The following CD96 variants were observed in gnomAD, a reference collection of about 807,000 sequenced individuals.
CD96 encodes the protein CD96 molecule, also known as T-cell surface protein tactile.
A neutral mutation model predicts 71.3 loss-of-function variants in CD96; 70 were observed. That is an observed-to-expected ratio of 0.98 (90% CI 0.81 to 1.20). The LOEUF (loss-of-function observed/expected upper bound fraction) is 1.20. Ranked by LOEUF, CD96 falls within the 50% of genes most tolerant of loss-of-function variation. The pLI is 0.00. For missense variants in CD96, 742 were observed against 677.5 expected (o/e 1.10, Z -1.06); for synonymous variants, 248 against 233.0 (o/e 1.06, Z -0.59).
rs758982757 is a variant in CD96, at chr3:111,579,171, T to C, written c.688T>C (p.Ser230Pro). 5 of 1,611,442 alleles carry C rather than the reference T, an allele frequency of 3.1e-6. No individual in the cohort carries two copies. The highest frequency in any genetic ancestry group is 4.2e-6 in the Non-Finnish European group (5 of 1,177,484). The change falls in exon 4 of 14, where the codon TCT becomes CCT. Residue 230 changes from serine to proline, a missense_variant. Transcript: ENST00000352690. ...VQIFDDGRKFSCHIRVGPNKI... is the reference protein window; with the variant it reads ...VQIFDDGRKFPCHIRVGPNKI... ...AATCTTCGATGATGGGCGGAAGTTC[T>C]CTTGCCACATTAGAGTCGGTCCTAA... is the stretch of plus-strand genomic sequence containing the variant.
chr3:111,575,564 A>G (rs1936185129), intron 3 of CD96, among the ~76,000 whole-genome samples: 1 of 152,256 alleles, frequency 6.6e-6, no homozygotes, highest in Non-Finnish European at 1.5e-5. Flanking sequence ...TGAGCTATTC[A>G]TGGCTTTATA....
intron 12 of CD96, among the ~76,000 whole-genome samples, chr3:111,641,282 TTAAAG>T (rs1265061818): frequency 2.6e-5 from 4 of 152,220 alleles, no homozygotes; most frequent in Admixed American, 1.3e-4. Context: ...TCATATAAAC[TTAAAG>T]TAAAGGGGTG....
At chr3:111,616,766 C>A (rs1183761764) in intron 8 of CD96, among the ~76,000 whole-genome samples, 2 of 152,122 alleles carry the variant, frequency 1.3e-5, no homozygotes, top group Non-Finnish European at 2.9e-5. Flanking sequence ...CTGGCTGGGA[C>A]TGTTGAGCCC....
intron 8 of CD96, among the ~76,000 whole-genome samples, chr3:111,621,907 C>T (rs549837551): frequency 6.6e-6 from 1 of 152,260 alleles, no homozygotes; most frequent in East Asian, 1.9e-4. Flanking sequence ...TCTACAAAAG[C>T]ATCATATATG....
downstream of CD96, among the ~76,000 whole-genome samples, chr3:111,654,514 C>T (rs563240756): frequency 8.9e-4 from 136 of 152,178 alleles, no homozygotes; most frequent in Non-Finnish European, 1.5e-3. Context: ...AATTTTTCTC[C>T]TCAGACAGCA....
At chr3:111,580,936 A>G (rs1168189690) in intron 4 of CD96, among the ~76,000 whole-genome samples, 1 of 152,200 alleles carries the variant, frequency 6.6e-6, no homozygotes, top group Non-Finnish European at 1.5e-5. Flanking sequence ...AAGAAATATC[A>G]ATTTTAATCT....
At chr3:111,658,509 T>C (rs969960832) in intron 14 of CD96, among the ~76,000 whole-genome samples, 2 of 152,334 alleles carry the variant, frequency 1.3e-5, no homozygotes, top group African/African-American at 2.4e-5. Flanking sequence ...GGATACTAAG[T>C]TGAGGAAATT....
At chr3:111,588,922 C>A (rs1255222927) in intron 5 of CD96, among the ~76,000 whole-genome samples, 2 of 149,616 alleles carry the variant, frequency 1.3e-5, no homozygotes, top group Non-Finnish European at 3.0e-5. Flanking sequence ...AATCATACAG[C>A]TTTTGGTAGG....
chr3:111,604,032 A>G (rs971395744), intron 7 of CD96, among the ~76,000 whole-genome samples: 3 of 152,232 alleles, frequency 2.0e-5, no homozygotes, highest in Non-Finnish European at 4.4e-5. Context: ...GAGATTCTGC[A>G]TTTGTAAAAA....
chr3:111,593,208 C>G (rs769629438), intron 5 of CD96: 1 of 191,164 alleles, frequency 5.2e-6, no homozygotes, highest in South Asian at 1.7e-4. Context: ...CCACCAAAAC[C>G]GAGTGCTAGG....
chr3:111,587,093 C>T (rs1282388717), intron 5 of CD96, among the ~76,000 whole-genome samples: 1 of 152,016 alleles, frequency 6.6e-6, no homozygotes, highest in Non-Finnish European at 1.5e-5. Flanking sequence ...AAATGGAAGA[C>T]ATTGGCCAAA....
rs144597687 is a variant in CD96 at position 111,610,798 on chromosome 3, C to T, written c.1180+4006C>T. Reference sequence around the variant, plus strand: ...TGTACAGACACAATTCAGGAGTTTCCGTCGCCTTGAGGAGAGAGCCCTGTG... The same window carrying T: ...TGTACAGACACAATTCAGGAGTTTCTGTCGCCTTGAGGAGAGAGCCCTGTG... On this transcript the variant is annotated intron_variant, in intron 8 of 13. Transcript: ENST00000352690. 1.3e-3 allele frequency among the ~76,000 whole-genome samples: 192 copies of T among 152,288 alleles called. 1 individual carries two copies. Among genetic ancestry groups the T allele is most frequent in the Admixed American group, 3.2e-3 (49 of 15,296 alleles).
At chr3:111,609,143 G>A (rs2107671762) in intron 8 of CD96, among the ~76,000 whole-genome samples, 1 of 152,292 alleles carries the variant, frequency 6.6e-6, no homozygotes, top group Admixed American at 6.5e-5. Flanking sequence ...AAAACAAAGT[G>A]AGCATTTGTG....
chr3:111,614,305 G>A (rs1391774448), intron 8 of CD96, among the ~76,000 whole-genome samples: 1 of 152,128 alleles, frequency 6.6e-6, no homozygotes, highest in Non-Finnish European at 1.5e-5. Flanking sequence ...CTAGCTGCTG[G>A]CTTGGGTCCC....
intron 8 of CD96, among the ~76,000 whole-genome samples, chr3:111,607,242 GT>G (rs1937661959): frequency 6.6e-6 from 1 of 152,156 alleles, no homozygotes; most frequent in Non-Finnish European, 1.5e-5. Flanking sequence ...CCAAAACAAT[GT>G]TCTCAGTGGG....
In CD96 at chr3:111,554,100, A is replaced by T. The variant is rs1559714007; in HGVS notation, c.418+8698A>T. ...TTCTGATACTTGCATGCTTTCTTTT[A>T]TGAGCATTTAAATTTGTAACATTAG... On this transcript the variant is annotated intron_variant, in intron 2 of 13. Coordinates refer to ENST00000352690, the MANE Select transcript of CD96 (RefSeq NM_005816.5). 2.6e-5 allele frequency among the ~76,000 whole-genome samples: 4 copies of T among 152,158 alleles called. No individual in the cohort carries two copies. In the East Asian group the frequency reaches 5.8e-4, roughly 22 times the overall value.
At chr3:111,575,873 C>T (rs987898056) in intron 3 of CD96, among the ~76,000 whole-genome samples, 1 of 152,164 alleles carries the variant, frequency 6.6e-6, no homozygotes, top group Non-Finnish European at 1.5e-5. Flanking sequence ...TTTGGATCTC[C>T]CATTAGGCTT....
At chr3:111,636,220 C>T (rs931070303) in intron 10 of CD96, among the ~76,000 whole-genome samples, 2 of 152,198 alleles carry the variant, frequency 1.3e-5, no homozygotes, top group African/African-American at 4.8e-5. Flanking sequence ...AAAGAATGGA[C>T]TCTTACCTCT....
chr3:111,617,789 A>G (rs1938317447), intron 8 of CD96, among the ~76,000 whole-genome samples: 1 of 152,140 alleles, frequency 6.6e-6, no homozygotes, highest in South Asian at 2.1e-4. Context: ...TGTAACACAA[A>G]CCCAGCTGAA....
Sources: gnomAD v4.1 joint callset for allele counts (sites outside exome capture counted in the v4.1 genomes callset) on GRCh38, gnomAD v4.1.1 for gene constraint, MANE v1.5 for transcripts, NCBI Gene and HGNC (gene_info 2026-07-23, HGNC 2026-07-21) for gene names.